VSIG10: variants seen among roughly 807,000 people sequenced by gnomAD.
VSIG10 encodes the protein V-set and immunoglobulin domain containing 10.
Under a neutral mutation model 58.7 loss-of-function variants are expected in VSIG10, and 48 were observed. The observed-to-expected ratio is 0.82, with a 90% CI of 0.65 to 1.04. VSIG10 has a LOEUF of 1.04. VSIG10 is among the 50% of genes least tolerant of loss of function. VSIG10 has a pLI of 0.00. For missense variants in VSIG10, 628 were observed against 670.0 expected, an observed-to-expected ratio of 0.94 and a Z score of 0.69; for synonymous variants, 260 against 267.1, an observed-to-expected ratio of 0.97 and a Z score of 0.26.
intron 1 of VSIG10, chr12:118,103,305 TCTTTA>T (rs1278269884): frequency 1.4e-5 from 5 of 351,156 alleles, no homozygotes; most frequent in Non-Finnish European, 2.5e-5. Flanking sequence ...CACACGTGCC[TCTTTA>T]CTTTGCCCCC....
intron 1 of VSIG10, chr12:118,102,822 G>A (rs77378935): frequency 6.6e-6 from 1 of 152,282 alleles, no homozygotes; most frequent in Non-Finnish European, 1.5e-5. Context: ...CCTCCTCCCA[G>A]CTTGTCACAC....
In VSIG10 at chr12:118,082,334, A is replaced by G. The variant is rs1776547179; in HGVS notation, c.457T>C (p.Cys153Arg). Residue 153 changes from cysteine to arginine, a missense_variant, in exon 3 of 9, where the codon TGC (cysteine) becomes CGC (arginine). Physicochemically the swap from Cys to Arg is radical, Grantham distance 180. Coordinates refer to ENST00000359236, the MANE Select transcript of VSIG10 (RefSeq NM_019086.6). ...GGTGGTGGCCTGGAGCTGCTGTTGC[A>G]GCTGAAGTCCACCTGGGAGCCCCTG... is the stretch of plus-strand genomic sequence containing the variant. ...AARGSQVDFS[C>R]NSSSRPPPVV... 3 of 1,613,886 alleles carry G rather than the reference A, an allele frequency of 1.9e-6. No individual in the cohort carries two copies. The highest frequency in any genetic ancestry group is 2.7e-5 in the African/African-American group (2 of 74,928).
In VSIG10 at chr12:118,072,124, G is replaced by A. The variant is rs1266576154; in HGVS notation, c.1220-655C>T. ...GCGGGGGTTGCGGTGAGCCAAGATC[G>A]CGCCATTGCACTCCAGCCTGGGCAA... On this transcript the variant is annotated intron_variant, in intron 5 of 8. Coordinates refer to ENST00000359236, the MANE Select transcript of VSIG10 (RefSeq NM_019086.6). 4.6e-5 allele frequency among the ~76,000 whole-genome samples: 7 copies of A among 151,110 alleles called. No individual in the cohort carries two copies. The South Asian group carries it at 6.2e-4, about 13-fold the overall frequency.
intron 1 of VSIG10, among the ~76,000 whole-genome samples, chr12:118,101,315 C>A (rs1254560016): frequency 6.6e-6 from 1 of 152,128 alleles, no homozygotes; most frequent in Non-Finnish European, 1.5e-5. Flanking sequence ...CAGTCCTAAA[C>A]CTCCTCACTT....
At chr12:118,080,635 T>C (rs1219720155) in intron 3 of VSIG10, among the ~76,000 whole-genome samples, 1 of 152,196 alleles carries the variant, frequency 6.6e-6, no homozygotes, top group Non-Finnish European at 1.5e-5. Flanking sequence ...TACAGATGGA[T>C]GGATGAACAA....
intron 2 of VSIG10, among the ~76,000 whole-genome samples, chr12:118,094,271 A>C (rs183543562): frequency 6.6e-6 from 1 of 152,320 alleles, no homozygotes. Context: ...ATTATGATAT[A>C]CTGTAACTTT....
chr12:118,087,111 C>T (rs2033149919), intron 2 of VSIG10, among the ~76,000 whole-genome samples: 1 of 151,696 alleles, frequency 6.6e-6, no homozygotes, highest in African/African-American at 2.4e-5. Flanking sequence ...AAAGAAACGG[C>T]GTTGGCAGCC....
Position 118,071,340 on chromosome 12 carries a change from G to T in VSIG10, c.1330+19C>A. The T allele has an allele frequency of 6.2e-7, 1 of 1,606,814 alleles. No individual in the cohort carries two copies. Among genetic ancestry groups the T allele is most frequent in the Non-Finnish European group, 8.5e-7 (1 of 1,174,302 alleles). ...TCAAAAGTCTGGAAGAGAAGCTAAA[G>T]GACCCAGGGAGTCCTTACCTTTCCA... On this transcript the variant is annotated intron_variant, in intron 6 of 8. Coordinates refer to ENST00000359236, the MANE Select transcript of VSIG10 (RefSeq NM_019086.6).
At chr12:118,090,857 A>C (rs2033273389) in intron 2 of VSIG10, among the ~76,000 whole-genome samples, 1 of 152,086 alleles carries the variant, frequency 6.6e-6, no homozygotes, top group South Asian at 2.1e-4. Flanking sequence ...CTTCCAGGCC[A>C]GATGCAGTGG....
intron 8 of VSIG10, among the ~76,000 whole-genome samples, chr12:118,067,526 C>T (rs1441093587): frequency 1.3e-5 from 2 of 149,626 alleles, no homozygotes; most frequent in South Asian, 2.1e-4. Context: ...TGCAGTGGCA[C>T]GATCTCGGCT....
In VSIG10 at chr12:118,071,423, A is replaced by G. The variant is rs1431174195; in HGVS notation, c.1266T>C (p.Leu422=). ...CTGAGATAATGGCCAGTCCCAGCAG[A>G]AGGAGGCTCACAATGGTTCCCACAA... is the stretch of plus-strand genomic sequence containing the variant. ...GGIVGTIVSL[L]LLGLAIISGL... The change falls in exon 6 of 9, where the codon CTT becomes CTC. Residue 422 remains leucine, a synonymous_variant. Transcript: ENST00000359236. The G allele has an allele frequency of 6.2e-7, 1 of 1,613,940 alleles. No individual in the cohort carries two copies. The highest frequency in any genetic ancestry group is 8.5e-7 in the Non-Finnish European group (1 of 1,179,868).
intron 2 of VSIG10, among the ~76,000 whole-genome samples, chr12:118,090,541 C>T (rs2033263590): frequency 6.6e-6 from 1 of 152,146 alleles, no homozygotes; most frequent in South Asian, 2.1e-4. Flanking sequence ...CACGGCCTGC[C>T]CTCTTACACA....
At chr12:118,092,570 C>T (rs1251320089) in intron 2 of VSIG10, among the ~76,000 whole-genome samples, 17 of 151,916 alleles carry the variant, frequency 1.1e-4, no homozygotes, top group Non-Finnish European at 1.5e-5. Flanking sequence ...ATGAATGTGG[C>T]TATATTCCAA....
intron 1 of VSIG10, chr12:118,101,891 T>C (rs1331280384): frequency 6.6e-6 from 1 of 152,212 alleles, no homozygotes; most frequent in East Asian, 1.9e-4. Flanking sequence ...CCCAACACTT[T>C]GGGAGGCCGA....
At chr12:118,071,491 T>G (rs2137845673) in intron 5 of VSIG10, 22 bp from the exon 6 acceptor site, 1 of 1,598,224 alleles carries the variant, frequency 6.3e-7, no homozygotes. Context: ...AATCACACCA[T>G]TGATTCTTCC....
intron 2 of VSIG10, among the ~76,000 whole-genome samples, chr12:118,094,903 ATTTTTT>A (rs749324895): frequency 8.0e-6 from 1 of 124,878 alleles, no homozygotes. Context: ...TGCCTGGCGA[ATTTTTT>A]TTTTTTTTTT....
intron 1 of VSIG10, chr12:118,102,968 C>A (rs573973290): frequency 6.6e-6 from 1 of 152,244 alleles, no homozygotes; most frequent in Non-Finnish European, 1.5e-5. Context: ...CAAAGCAGAC[C>A]ATAGATGAAG....
In VSIG10 at chr12:118,072,188, G is replaced by A. The variant is rs550360694; in HGVS notation, c.1220-719C>T. ...CCATCTCAAAGAAAGAAAGAGGGCC[G>A]GGCGCGGTGGCTCACGCCTGTAATC... On this transcript the variant is annotated intron_variant, in intron 5 of 8. Coordinates refer to ENST00000359236, the MANE Select transcript of VSIG10 (RefSeq NM_019086.6). Among the ~76,000 whole-genome samples, 187 of 151,508 alleles carry A rather than the reference G, an allele frequency of 1.2e-3. 1 individual carries two copies. Among genetic ancestry groups the A allele is most frequent in the Non-Finnish European group, 2.0e-3 (139 of 67,852 alleles).
intron 7 of VSIG10, among the ~76,000 whole-genome samples, chr12:118,069,249 C>A (rs911363174): frequency 3.4e-5 from 5 of 148,616 alleles, no homozygotes; most frequent in African/African-American, 1.2e-4. Context: ...GCCACCACAT[C>A]TGGCTAATTT....
Sources: gnomAD v4.1 joint callset for allele counts (sites outside exome capture counted in the v4.1 genomes callset) on GRCh38, gnomAD v4.1.1 for gene constraint, MANE v1.5 for transcripts, NCBI Gene and HGNC (gene_info 2026-07-23, HGNC 2026-07-21) for gene names.